The following OSBPL10 variants were observed in gnomAD, a reference collection of about 807,000 sequenced individuals.
OSBPL10 encodes the protein oxysterol-binding protein-related protein 10.
Under a neutral mutation model 81.7 loss-of-function variants are expected in OSBPL10, and 49 were observed. That is an observed-to-expected ratio of 0.60 (90% CI 0.48 to 0.76). OSBPL10 has a LOEUF of 0.76. Among genes scored for constraint, OSBPL10 ranks in the 30% least tolerant of loss-of-function variants. OSBPL10 has a pLI of 0.00. For synonymous variants in OSBPL10, 419 were observed against 383.6 expected, an observed-to-expected ratio of 1.09 and a Z score of -1.08; for missense variants, 923 against 987.8, an observed-to-expected ratio of 0.93 and a Z score of 0.88.
At chr3:32,005,500 G>A (rs2125535504) in intron 2 of OSBPL10, among the ~76,000 whole-genome samples, 1 of 152,238 alleles carries the variant, frequency 6.6e-6, no homozygotes, top group South Asian at 2.1e-4. Flanking sequence ...AAGTCATGGG[G>A]CATATGTGAC....
intron 4 of OSBPL10, among the ~76,000 whole-genome samples, chr3:31,801,366 C>A (rs1699373462): frequency 1.3e-5 from 2 of 152,204 alleles, no homozygotes; most frequent in Admixed American, 6.5e-5. Context: ...CGGGAAAAGT[C>A]TCCCTTGGCT....
At chr3:31,728,846 G>C (rs774352187) in intron 6 of OSBPL10, among the ~76,000 whole-genome samples, 69 of 152,066 alleles carry the variant, frequency 4.5e-4, no homozygotes, top group African/African-American at 1.4e-3. Flanking sequence ...AAAGTGTTTT[G>C]GATTTTGAAT....
chr3:31,970,039 G>A (rs775005995), intron 1 of OSBPL10, among the ~76,000 whole-genome samples: 38 of 152,164 alleles, frequency 2.5e-4, no homozygotes, highest in Non-Finnish European at 4.6e-4. Flanking sequence ...GAAGGGGTAG[G>A]AGACCAAGTT....
At chr3:32,005,458 C>T (rs1271215470) in intron 2 of OSBPL10, among the ~76,000 whole-genome samples, 3 of 144,724 alleles carry the variant, frequency 2.1e-5, no homozygotes, top group Non-Finnish European at 4.6e-5. Context: ...GAGCAAGTTT[C>T]TCTGGAGCAT....
At chr3:31,878,812 T>A (rs199523453) in intron 2 of OSBPL10, among the ~76,000 whole-genome samples, 2 of 93,432 alleles carry the variant, frequency 2.1e-5, no homozygotes, top group Non-Finnish European at 4.2e-5. Flanking sequence ...ACTCTGCGTG[T>A]CCATGTGTGT....
At chr3:31,762,630 A>ATTTTTTTTTTTTTTTTT (rs56311731) in intron 4 of OSBPL10, among the ~76,000 whole-genome samples, 4,117 of 61,276 alleles carry the variant, frequency 0.067, 1,095 homozygotes, top group Non-Finnish European at 0.085. Flanking sequence ...CATGCCCAGC[A>ATTTTTTTTTTTTTTTTT]TTTTTTTTTT....
chr3:31,851,168 A>C (rs1413145717), intron 3 of OSBPL10, among the ~76,000 whole-genome samples: 1 of 152,206 alleles, frequency 6.6e-6, no homozygotes, highest in African/African-American at 2.4e-5. Flanking sequence ...ATTCTAAAAA[A>C]ACACTTCCTC....
At position 31,868,292 on chromosome 3, in the gene OSBPL10, A is replaced by G. The variant is rs72850598; in HGVS notation, c.537+8141T>C. ...AAATAATGCTACTTCCATTATAGAAAAAAAGGCCTTTGCAAGCTGTTAGAG... is the reference window on the plus strand; with the variant it reads ...AAATAATGCTACTTCCATTATAGAAGAAAAGGCCTTTGCAAGCTGTTAGAG... On this transcript the variant is annotated intron_variant, in intron 3 of 11. Transcript: ENST00000396556. Among the ~76,000 whole-genome samples, 789 of 152,306 alleles carry G rather than the reference A, an allele frequency of 5.2e-3. 8 individuals carry two copies. Among genetic ancestry groups the G allele is most frequent in the African/African-American group, 0.018 (735 of 41,572 alleles).
intron 5 of OSBPL10, among the ~76,000 whole-genome samples, chr3:31,737,505 GAA>G (rs2125675743): frequency 6.6e-6 from 1 of 152,270 alleles, no homozygotes; most frequent in East Asian, 1.9e-4. Context: ...AGGCTGAGGT[GAA>G]AAGAGAGATG....
intron 3 of OSBPL10, among the ~76,000 whole-genome samples, chr3:31,858,222 A>G (rs1700976460): frequency 6.6e-6 from 1 of 151,882 alleles, no homozygotes; most frequent in Admixed American, 6.6e-5. Flanking sequence ...GCTGATCTCA[A>G]ACTCCTGGGC....
chr3:31,828,290 T>C (rs1700147333), intron 4 of OSBPL10, among the ~76,000 whole-genome samples: 2 of 152,124 alleles, frequency 1.3e-5, no homozygotes, highest in South Asian at 4.1e-4. Flanking sequence ...TAAAATACTC[T>C]AGCAGGAAAA....
chr3:31,866,436 C>A (rs577195189), intron 3 of OSBPL10, among the ~76,000 whole-genome samples: 1 of 152,132 alleles, frequency 6.6e-6, no homozygotes, highest in African/African-American at 2.4e-5. Context: ...ACACAGCCTT[C>A]AGGAAGAGAA....
intron 2 of OSBPL10, among the ~76,000 whole-genome samples, chr3:32,027,012 C>G (rs986821469): frequency 1.3e-5 from 2 of 152,080 alleles, no homozygotes; most frequent in African/African-American, 4.8e-5. Flanking sequence ...GTGGAGGAGT[C>G]ATTTATTACT....
intron 5 of OSBPL10, among the ~76,000 whole-genome samples, chr3:31,744,621 G>A (rs1364166471): frequency 6.6e-6 from 1 of 151,708 alleles, no homozygotes; most frequent in Non-Finnish European, 1.5e-5. Flanking sequence ...GCACAGGGAG[G>A]ACATGAAGGA....
At chr3:31,872,765 G>A (rs919719244) in intron 3 of OSBPL10, among the ~76,000 whole-genome samples, 2 of 152,020 alleles carry the variant, frequency 1.3e-5, no homozygotes, top group African/African-American at 4.8e-5. Flanking sequence ...GAGACTACAG[G>A]TGTGCACCAC....
chr3:31,935,890 A>C (rs1697370793), intron 1 of OSBPL10, among the ~76,000 whole-genome samples: 1 of 152,214 alleles, frequency 6.6e-6, no homozygotes, highest in South Asian at 2.1e-4. Context: ...GGTTCTGGAA[A>C]TAAAATTGCT....
At chr3:31,961,763 T>A (rs905283099) in intron 1 of OSBPL10, among the ~76,000 whole-genome samples, 4 of 152,070 alleles carry the variant, frequency 2.6e-5, no homozygotes, top group African/African-American at 9.7e-5. Flanking sequence ...TATATTCTAG[T>A]GTATAATTAT....
At chr3:31,812,838 A>C (rs137949345) in intron 4 of OSBPL10, among the ~76,000 whole-genome samples, 2,882 of 139,938 alleles carry the variant, frequency 0.021, 213 homozygotes, top group African/African-American at 0.074. Flanking sequence ...GAAAGAAAGA[A>C]AGAAAGAACG....
intron 2 of OSBPL10, among the ~76,000 whole-genome samples, chr3:31,986,807 C>G (rs1325313538): frequency 6.6e-6 from 1 of 151,982 alleles, no homozygotes; most frequent in African/African-American, 2.4e-5. Context: ...GAGTTCCAGA[C>G]CAGCCTGGGC....
Sources: allele counts gnomAD v4.1 joint callset (sites outside exome capture counted in the v4.1 genomes callset), GRCh38; gene constraint gnomAD v4.1.1; transcripts MANE v1.5; gene names NCBI Gene and HGNC (gene_info 2026-07-23, HGNC 2026-07-21).